IL16: variants seen among roughly 807,000 people sequenced by gnomAD.
IL16 encodes the protein pro-interleukin-16.
A neutral mutation model predicts 110.1 loss-of-function variants in IL16; 67 were observed. That is an observed-to-expected ratio of 0.61 (90% CI 0.50 to 0.75). IL16 has a LOEUF of 0.75. Ranked by LOEUF, IL16 falls within the 30% of genes least tolerant of loss-of-function variation. The pLI is 0.00. For synonymous variants in IL16, 689 were observed against 662.9 expected (o/e 1.04, Z -0.61); for missense variants, 1,545 against 1,655.0 (o/e 0.93, Z 1.15).
chr15:81,232,176 C>T (rs1469555797), intron 2 of IL16, among the ~76,000 whole-genome samples: 2 of 148,128 alleles, frequency 1.4e-5, no homozygotes, highest in African/African-American at 2.5e-5. Flanking sequence ...GACATCTTTA[C>T]AGTACTTGAT....
intron 2 of IL16, among the ~76,000 whole-genome samples, chr15:81,253,987 A>G (rs938854608): frequency 1.3e-5 from 2 of 152,136 alleles, no homozygotes; most frequent in African/African-American, 4.8e-5. Context: ...TCCCAGAACC[A>G]ATCTGCTGGG....
chr15:81,285,643 G>A (rs1899411069), intron 9 of IL16, 55 bp from the exon 10 acceptor site: 2 of 1,600,834 alleles, frequency 1.2e-6, no homozygotes, highest in Non-Finnish European at 8.5e-7. Context: ...GGCAGTGACT[G>A]TTCAAATGTC....
At position 81,197,117 on chromosome 15, in the gene IL16, C is replaced by T. The variant is rs536700095; in HGVS notation, c.-137C>T. The T allele has an allele frequency of 6.8e-5, 87 of 1,288,782 alleles. No homozygotes were observed. The highest frequency in any genetic ancestry group is 2.5e-4 in the Admixed American group (11 of 43,508). The allele number at this position is 1,288,782 out of a possible 1,614,324, so 79.8% of individuals were successfully genotyped here. A position where few individuals can be genotyped will look rare whatever the true frequency, so the allele number is the denominator to read the frequency against. ...AGAGGAGCAAGGGAGATGGCAGCCC[C>T]GGGGGACTGTGCATAGGGAGGTAGG... On this transcript the variant is annotated 5_prime_UTR_variant, in exon 1 of 19. Coordinates refer to ENST00000683961, the MANE Select transcript of IL16 (RefSeq NM_172217.5).
chr15:81,278,181 A>G (rs900402570), intron 6 of IL16, among the ~76,000 whole-genome samples: 2 of 152,158 alleles, frequency 1.3e-5, no homozygotes, highest in Non-Finnish European at 2.9e-5. Context: ...AGCAATCTGT[A>G]GACCTCATTC....
chr15:81,237,025 G>A (rs1449510133), intron 2 of IL16, among the ~76,000 whole-genome samples: 3 of 152,064 alleles, frequency 2.0e-5, no homozygotes, highest in African/African-American at 7.2e-5. Context: ...TTCTCAATAC[G>A]GCCCTTCATT....
chr15:81,305,730 T>C (rs1900517483), intron 16 of IL16, 178 bp from the exon 17 acceptor site: 2 of 683,292 alleles, frequency 2.9e-6, no homozygotes, highest in Non-Finnish European at 4.9e-6. Flanking sequence ...CTGCTCTGGA[T>C]GGAGAAGGAG....
chr15:81,250,204 G>A (rs917072085), intron 2 of IL16, among the ~76,000 whole-genome samples: 2 of 152,122 alleles, frequency 1.3e-5, no homozygotes, highest in Non-Finnish European at 2.9e-5. Flanking sequence ...AAGTCTTGCT[G>A]TGTCGCCCAG....
At chr15:81,296,677 T>C (rs530257077) in intron 12 of IL16, among the ~76,000 whole-genome samples, 17 of 152,296 alleles carry the variant, frequency 1.1e-4, no homozygotes, top group Admixed American at 1.1e-3. Context: ...TCTTCAAGTA[T>C]GTCAACAGTA....
chr15:81,278,850 T>C lies in IL16; in HGVS notation c.824T>C (p.Met275Thr). 1.2e-6 allele frequency: 2 copies of C among 1,613,440 alleles called. No individual in the cohort carries two copies. The highest frequency in any genetic ancestry group is 1.7e-6 in the Non-Finnish European group (2 of 1,179,320). ...DEILELNGESMAGLTHQDALQ... is the reference protein window; with the variant it reads ...DEILELNGESTAGLTHQDALQ... ...ATTCTGGAGCTCAATGGTGAATCAA[T>C]GGCTGGACTAACACATCAGGATGCT... is the stretch of plus-strand genomic sequence containing the variant. The change falls in exon 7 of 19, where the codon ATG (methionine) becomes ACG (threonine). Residue 275 changes from methionine (M) to threonine (T), a missense_variant. By Grantham distance (81) the Met-to-Thr change is moderately conservative. Around this residue, in one of 3 missense-constraint regions of IL16, gnomAD observed 1,185 missense variants for 1,238.8 expected, o/e 0.96. Coordinates refer to ENST00000683961, the MANE Select transcript of IL16 (RefSeq NM_172217.5).
chr15:81,278,891 G>C lies in IL16; in HGVS notation c.864+1G>C. On this transcript the variant is annotated splice_donor_variant, in intron 7 of 18. Coordinates refer to ENST00000683961, the MANE Select transcript of IL16 (RefSeq NM_172217.5). LOFTEE classifies it high-confidence loss of function. ...TCAGGATGCTTTGCAGAAGTTCAAGGTGACCATTTCTTATCAACACGTGAC... is the reference window on the plus strand; with the variant it reads ...TCAGGATGCTTTGCAGAAGTTCAAGCTGACCATTTCTTATCAACACGTGAC... 1 of 1,608,420 alleles carries C rather than the reference G, an allele frequency of 6.2e-7. No homozygotes were observed. The highest frequency in any genetic ancestry group is 8.5e-7 in the Non-Finnish European group (1 of 1,174,726).
rs58541174 is a variant in IL16 at position 81,251,453 on chromosome 15, G to T, written c.313-8319G>T. ...CTTTTATTTAGCAGAAGGATCCACT[G>T]TACTACCAGACATAGAAGTCTCCTG... On this transcript the variant is annotated intron_variant, in intron 2 of 18. Coordinates refer to ENST00000683961, the MANE Select transcript of IL16 (RefSeq NM_172217.5). Among the ~76,000 whole-genome samples, 63 of 151,938 alleles carry T rather than the reference G, an allele frequency of 4.1e-4. 1 individual carries two copies. Among genetic ancestry groups the T allele is most frequent in the Non-Finnish European group, 7.4e-4 (50 of 67,992 alleles).
chr15:81,221,407 G>T (rs541302276), intron 1 of IL16, among the ~76,000 whole-genome samples: 1 of 152,300 alleles, frequency 6.6e-6, no homozygotes, highest in South Asian at 2.1e-4. Flanking sequence ...AAGCTCATTA[G>T]TTCCAACCTT....
intron 13 of IL16, 170 bp from the exon 14 acceptor site, chr15:81,299,210 G>A: frequency 2.0e-6 from 2 of 1,020,178 alleles, no homozygotes. Context: ...CTGCCTGTTG[G>A]CAGCTCAGTC....
chr15:81,297,043 C>T lies in IL16; in HGVS notation c.2018C>T (p.Thr673Ile). The part of the protein sequence containing the change: ...PGIGPQTKSS[T>I]EGEPGWRRAS... ...ATCGGCCCACAGACCAAGTCCTCCACAGAGGGCGAGCCAGGGTGGAGAAGA... is the reference window on the plus strand; with the variant it reads ...ATCGGCCCACAGACCAAGTCCTCCATAGAGGGCGAGCCAGGGTGGAGAAGA... Residue 673 changes from threonine to isoleucine, a missense_variant, in exon 13 of 19, where the codon ACA becomes ATA. By Grantham distance (89) the Thr-to-Ile change is moderately conservative. Around this residue, in one of 3 missense-constraint regions of IL16, gnomAD observed 1,185 missense variants for 1,238.8 expected, o/e 0.96. Transcript: ENST00000683961. 6.2e-7 allele frequency: 1 copy of T among 1,613,962 alleles called. No individual in the cohort carries two copies. The highest frequency in any genetic ancestry group is 8.5e-7 in the Non-Finnish European group (1 of 1,179,954).
intron 5 of IL16, among the ~76,000 whole-genome samples, chr15:81,270,264 G>A (rs1898573282): frequency 6.6e-6 from 1 of 152,204 alleles, no homozygotes; most frequent in Admixed American, 6.5e-5. Context: ...GCGTACACAG[G>A]TTTGCACTGC....
At chr15:81,183,242 A>T (rs767957990) in intron 1 of IL16, among the ~76,000 whole-genome samples, 1 of 152,178 alleles carries the variant, frequency 6.6e-6, no homozygotes, top group Non-Finnish European at 1.5e-5. Context: ...CTTCCTCTTC[A>T]AGGGGCAGAG....
rs1167028855 is a variant in IL16 at position 81,297,064 on chromosome 15, G to A, written c.2039G>A (p.Arg680Lys). The A allele has an allele frequency of 6.2e-7, 1 of 1,612,038 alleles. No homozygotes were observed. The highest frequency in any genetic ancestry group is 8.5e-7 in the Non-Finnish European group (1 of 1,179,308). Residue 680 changes from arginine to lysine, a missense_variant, in exon 13 of 19, where the codon AGA (arginine) becomes AAA (lysine). By Grantham distance (26) the Arg-to-Lys change is conservative. This residue lies in a region of IL16 where 1,185 missense variants were observed against 1,238.8 expected (regional missense o/e 0.96). Transcript: ENST00000683961. ...TCCACAGAGGGCGAGCCAGGGTGGAGAAGAGCCAGCCCAGGTAAGCTTTCA... is the reference window on the plus strand; with the variant it reads ...TCCACAGAGGGCGAGCCAGGGTGGAAAAGAGCCAGCCCAGGTAAGCTTTCA... ...KSSTEGEPGWRRASPVTQTSP... is the reference protein window; with the variant it reads ...KSSTEGEPGWKRASPVTQTSP...
intron 3 of IL16, among the ~76,000 whole-genome samples, chr15:81,261,340 C>T (rs1898146829): frequency 6.6e-6 from 1 of 152,236 alleles, no homozygotes; most frequent in Non-Finnish European, 1.5e-5. Flanking sequence ...GGGAGCTGAA[C>T]CCCGCAGAGC....
At chr15:81,201,781 G>A (rs893777517) in intron 1 of IL16, among the ~76,000 whole-genome samples, 1 of 152,174 alleles carries the variant, frequency 6.6e-6, no homozygotes, top group Non-Finnish European at 1.5e-5. Context: ...ATAACAGCTT[G>A]TTGAGTATTC....
Sources: allele counts gnomAD v4.1 joint callset (sites outside exome capture counted in the v4.1 genomes callset), GRCh38; gene constraint gnomAD v4.1.1; regional missense constraint gnomAD v4.1.1; transcripts MANE v1.5; gene names NCBI Gene and HGNC (gene_info 2026-07-23, HGNC 2026-07-21).